The following CDK20 variants were observed in gnomAD, a reference collection of about 807,000 sequenced individuals.
CDK20 encodes cyclin dependent kinase 20.
CDK20 carries 40 observed loss-of-function variants against 38.6 expected under a neutral mutation model. That is an observed-to-expected ratio of 1.04 (90% CI 0.81 to 1.35). CDK20 has a LOEUF of 1.35. Ranked by LOEUF, CDK20 falls within the 40% of genes most tolerant of loss-of-function variation. The pLI is 0.00. For missense variants in CDK20, 512 were observed against 452.6 expected (o/e 1.13, Z -1.19); for synonymous variants, 209 against 185.7 (o/e 1.13, Z -1.02).
chr9:87,967,386 A>T lies in CDK20; in HGVS notation c.*76T>A, dbSNP rs1372296916. 2.7e-6 allele frequency: 4 copies of T among 1,460,580 alleles called. No individual in the cohort carries two copies. The highest frequency in any genetic ancestry group is 2.0e-5 in the Admixed American group (1 of 50,878). 90.5% of individuals were successfully genotyped at this position (1,460,580 alleles called of 1,614,324 possible). On this transcript the variant is annotated 3_prime_UTR_variant, in exon 8 of 8. Coordinates refer to ENST00000325303, the MANE Select transcript of CDK20 (RefSeq NM_001039803.3). ...GGCCATGGGGAGGCCTTGGAGGGTG[A>T]AGCCAGGCAGGTGGCAGAGGAACAG...
chr9:87,973,991 C>T lies in CDK20; in HGVS notation c.120G>A (p.Leu40=), dbSNP rs367666714. Residue 40 remains leucine (L), a synonymous_variant, in exon 2 of 8, where the codon TTG becomes TTA. Coordinates refer to ENST00000325303, the MANE Select transcript of CDK20 (RefSeq NM_001039803.3). ...GGGCCTGGTTAGGGAAGCCGTCCTC[C>T]AACCGCCTTAGGGCCACCTTCTTGA... The part of the protein sequence containing the change: ...VALKKVALRR[L]EDGFPNQALR... 5 of 1,614,080 alleles carry T rather than the reference C, an allele frequency of 3.1e-6. No individual in the cohort carries two copies. The African/African-American group carries it at 6.7e-5, about 22-fold the overall frequency.
At chr9:87,970,537 G>A in intron 5 of CDK20, 31 bp downstream of exon 5, 10 of 1,599,978 alleles carry the variant, frequency 6.3e-6, no homozygotes, top group Non-Finnish European at 8.6e-6. Context: ...CATGAGCCAT[G>A]TTACCCTTTG....
intron 6 of CDK20, 117 bp from the exon 7 acceptor site, chr9:87,969,466 A>G (rs556631254): frequency 9.7e-5 from 109 of 1,122,222 alleles, no homozygotes; most frequent in Non-Finnish European, 1.2e-4. Flanking sequence ...TCTCCCATCC[A>G]TGTGTCTCCC....
At chr9:87,973,271 C>G (rs1486061508) in intron 2 of CDK20, among the ~76,000 whole-genome samples, 1 of 152,158 alleles carries the variant, frequency 6.6e-6, no homozygotes, top group African/African-American at 2.4e-5. Flanking sequence ...CAGCCCCTCC[C>G]GGTACCCTAT....
In CDK20 at chr9:87,971,217, T is replaced by A. The variant is rs1460437228; in HGVS notation, c.308A>T (p.Gln103Leu). The A allele has an allele frequency of 6.2e-7, 1 of 1,614,084 alleles. No individual in the cohort carries two copies. Among genetic ancestry groups the A allele is most frequent in the African/African-American group, 1.3e-5 (1 of 74,950 alleles). ...CAGCATCTGCAGGTAGCTCTTGACCTGTGCCTGGGCTAGTGGCCTCTGGGC... is the reference window on the plus strand; with the variant it reads ...CAGCATCTGCAGGTAGCTCTTGACCAGTGCCTGGGCTAGTGGCCTCTGGGC... ...RHAQRPLAQA[Q>L]VKSYLQMLLK... Residue 103 changes from glutamine (Q) to leucine (L), a missense_variant, in exon 3 of 8, where the codon CAG (glutamine) becomes CTG (leucine). Gln to Leu is a moderately radical substitution (Grantham distance 113, BLOSUM62 -2). Transcript: ENST00000325303.
chr9:87,970,037 C>A (rs1829741443), intron 5 of CDK20, 118 bp from the exon 6 acceptor site: 2 of 1,232,030 alleles, frequency 1.6e-6, no homozygotes, highest in Non-Finnish European at 2.2e-6. Context: ...GCCCTGGAGC[C>A]TCACGTCCAG....
chr9:87,967,392 G>C lies in CDK20; in HGVS notation c.*70C>G. On this transcript the variant is annotated 3_prime_UTR_variant, in exon 8 of 8. Transcript: ENST00000325303. ...GGGGAGGCCTTGGAGGGTGAAGCCA[G>C]GCAGGTGGCAGAGGAACAGGTGGAC... 1 of 1,487,384 alleles carries C rather than the reference G, an allele frequency of 6.7e-7. No homozygotes were observed. The highest frequency in any genetic ancestry group is 9.2e-7 in the Non-Finnish European group (1 of 1,088,970). The allele number at this position is 1,487,384 out of a possible 1,614,324, so 92.1% of individuals were successfully genotyped here. A position where few individuals can be genotyped will look rare whatever the true frequency, so the allele number is the denominator to read the frequency against.
rs1273700494 is a variant in CDK20 at position 87,974,401 on chromosome 9, C to T, written c.46G>A (p.Gly16Ser). 6 of 1,612,826 alleles carry T rather than the reference C, an allele frequency of 3.7e-6. No homozygotes were observed. In the South Asian group the frequency reaches 4.4e-5, roughly 12 times the overall value. The change falls in exon 1 of 8, where the codon GGC becomes AGC. Residue 16 changes from glycine to serine, a missense_variant. Transcript: ENST00000325303. The stretch of plus-strand genomic sequence containing the variant: ...ACGTGCTTGGCCTTGAAGACGATGC[C>T]GTGGGCGCCCTCCCCGATGCGGCCC... ...ILGRIGEGAH[G>S]IVFKAKHVET...
rs762637955 is a variant in CDK20 at position 87,973,908 on chromosome 9, C to G, written c.189+14G>C. On this transcript the variant is annotated intron_variant, in intron 2 of 7. Transcript: ENST00000325303. ...CTGAGGGTGAGAATACCATGCCCCC[C>G]CTCCCCTACTCACATACTGATTGTC... The G allele has an allele frequency of 1.6e-5, 25 of 1,610,952 alleles. No individual in the cohort carries two copies. The Admixed American group carries it at 3.0e-4, about 19-fold the overall frequency.
intron 7 of CDK20, 129 bp downstream of exon 7, chr9:87,969,065 T>C (rs1167428064): frequency 1.8e-6 from 2 of 1,106,840 alleles, no homozygotes; most frequent in Admixed American, 2.2e-5. Flanking sequence ...AGATGTCTGG[T>C]GCTGGTCCAT....
Position 87,974,439 on chromosome 9 carries a change from T to C in CDK20, c.8A>G (p.Gln3Arg), listed in dbSNP as rs1484187581. 3.1e-6 allele frequency: 5 copies of C among 1,612,128 alleles called. No homozygotes were observed. In the African/African-American group the frequency reaches 6.7e-5, roughly 22 times the overall value. ...CCCGATGCGGCCCAGGATGCAGTAC[T>C]GGTCCATCCCGCTGCAGTCGTGGGC... MD[Q>R]YCILGRIGEG... The change falls in exon 1 of 8, where the codon CAG becomes CGG. Residue 3 changes from glutamine (Q) to arginine (R), a missense_variant. Transcript: ENST00000325303.
At chr9:87,972,934 C>T (rs1316548553) in intron 2 of CDK20, among the ~76,000 whole-genome samples, 1 of 152,142 alleles carries the variant, frequency 6.6e-6, no homozygotes, top group African/African-American at 2.4e-5. Flanking sequence ...TGCACACATT[C>T]AGGTAAGACA....
At chr9:87,974,105 G>T (rs571027805) in intron 1 of CDK20, 70 bp from the exon 2 acceptor site, 13 of 1,606,660 alleles carry the variant, frequency 8.1e-6, no homozygotes, top group Middle Eastern at 1.7e-4. Context: ...TGGGTGAGGG[G>T]AAGGTGGTTG....
At chr9:87,970,002 C>T (rs1301804023) in intron 5 of CDK20, 83 bp from the exon 6 acceptor site, 3 of 1,445,234 alleles carry the variant, frequency 2.1e-6, no homozygotes, top group East Asian at 2.5e-5. Context: ...TAACACTGCA[C>T]TCCAGGGCAA....
chr9:87,969,674 T>C, intron 6 of CDK20, 122 bp downstream of exon 6: 2 of 1,440,288 alleles, frequency 1.4e-6, no homozygotes. Context: ...AGGACAGTGG[T>C]CCCTGTCCAT....
intron 2 of CDK20, among the ~76,000 whole-genome samples, chr9:87,972,477 T>C (rs942972037): frequency 6.6e-6 from 1 of 152,138 alleles, no homozygotes. Flanking sequence ...TGCTGGTCAC[T>C]GGAGAGATGC....
At chr9:87,970,266 A>G (rs1196484144) in intron 5 of CDK20, 1 of 468,152 alleles carries the variant, frequency 2.1e-6, no homozygotes, top group East Asian at 3.3e-5. Context: ...TGACCAGCTC[A>G]GAGATGCCAT....
At chr9:87,972,785 G>A (rs574909167) in intron 2 of CDK20, among the ~76,000 whole-genome samples, 2 of 152,152 alleles carry the variant, frequency 1.3e-5, no homozygotes, top group African/African-American at 2.4e-5. Flanking sequence ...CATATCACCA[G>A]CTTCCTTATG....
At chr9:87,969,168 G>A in intron 7 of CDK20, 26 bp downstream of exon 7, 1 of 1,611,154 alleles carries the variant, frequency 6.2e-7, no homozygotes, top group Non-Finnish European at 8.5e-7. Flanking sequence ...AGCTGAAGGA[G>A]CAGAGACTAC....
Sources: allele counts gnomAD v4.1 joint callset (sites outside exome capture counted in the v4.1 genomes callset), GRCh38; gene constraint gnomAD v4.1.1; transcripts MANE v1.5; gene names NCBI Gene and HGNC (gene_info 2026-07-23, HGNC 2026-07-21).